The following RASSF9 variants were observed in gnomAD, a reference collection of about 807,000 sequenced individuals.
The protein encoded by RASSF9 is ras association domain-containing protein 9.
A neutral mutation model predicts 21.4 loss-of-function variants in RASSF9; 18 were observed. That is an observed-to-expected ratio of 0.84 (90% CI 0.58 to 1.25). The LOEUF (loss-of-function observed/expected upper bound fraction) is 1.25, where lower values mean the gene tolerates loss of function less well. Ranked by LOEUF, RASSF9 falls within the 50% of genes most tolerant of loss-of-function variation. The probability of loss-of-function intolerance (pLI) is 0.00; values close to 1 mark genes in which losing one functional copy is unlikely to be tolerated. For missense variants in RASSF9, 480 were observed against 503.2 expected, an observed-to-expected ratio of 0.95 and a Z score of 0.44; for synonymous variants, 183 against 179.1, an observed-to-expected ratio of 1.02 and a Z score of -0.18.
intron 1 of RASSF9, among the ~76,000 whole-genome samples, chr12:85,827,150 A>C (rs149462525): frequency 1.1e-4 from 17 of 152,194 alleles, no homozygotes; most frequent in Admixed American, 2.6e-4. Context: ...TTTAACTGGC[A>C]TCTGAAACTT....
At chr12:85,816,226 A>G (rs1213603914) in intron 1 of RASSF9, among the ~76,000 whole-genome samples, 1 of 151,992 alleles carries the variant, frequency 6.6e-6, no homozygotes, top group Non-Finnish European at 1.5e-5. Flanking sequence ...TACTTGGGTG[A>G]AAGGATAATC....
In RASSF9 at chr12:85,804,976, T is replaced by C; in HGVS notation, c.1034A>G (p.Tyr345Cys). The C allele has an allele frequency of 6.2e-7, 1 of 1,613,882 alleles. No individual in the cohort carries two copies. The highest frequency in any genetic ancestry group is 8.5e-7 in the Non-Finnish European group (1 of 1,179,770). The change falls in exon 2 of 2, where the codon TAC (tyrosine) becomes TGC (cysteine). Residue 345 changes from tyrosine to cysteine, a missense_variant. By Grantham distance (194) the Tyr-to-Cys change is radical (BLOSUM62 -2). Transcript: ENST00000361228. ...TTTCATCTGAAGCAATGAGTCACTG[T>C]ATTTAATCTCTTTCTGGATGCCACT... is the stretch of plus-strand genomic sequence containing the variant. The part of the protein sequence containing the change: ...HLSGIQKEIK[Y>C]SDSLLQMKAK...
intron 1 of RASSF9, among the ~76,000 whole-genome samples, chr12:85,812,086 A>G (rs949386180): frequency 6.6e-6 from 1 of 151,746 alleles, no homozygotes; most frequent in Non-Finnish European, 1.5e-5. Context: ...ACAATTTCAT[A>G]ACTACTCCAC....
At chr12:85,820,882 A>G (rs1212847617) in intron 1 of RASSF9, among the ~76,000 whole-genome samples, 1 of 152,202 alleles carries the variant, frequency 6.6e-6, no homozygotes, top group East Asian at 1.9e-4. Flanking sequence ...GCGGTGGCTC[A>G]TGCCTATAAT....
chr12:85,830,179 G>A (rs950643834), intron 1 of RASSF9, among the ~76,000 whole-genome samples: 16 of 152,176 alleles, frequency 1.1e-4, no homozygotes, highest in African/African-American at 3.6e-4. Flanking sequence ...ATGCATACCT[G>A]GCTGTGTTCT....
At chr12:85,816,560 A>G (rs1880070495) in intron 1 of RASSF9, among the ~76,000 whole-genome samples, 1 of 152,142 alleles carries the variant, frequency 6.6e-6, no homozygotes, top group Non-Finnish European at 1.5e-5. Context: ...CAGTAGATGG[A>G]AGCTGATTTT....
At chr12:85,814,974 T>C (rs1202979765) in intron 1 of RASSF9, among the ~76,000 whole-genome samples, 2 of 152,034 alleles carry the variant, frequency 1.3e-5, no homozygotes, top group African/African-American at 2.4e-5. Flanking sequence ...GTCAGCACAA[T>C]AGGTTATTGC....
Position 85,805,834 on chromosome 12 carries a change from T to C in RASSF9, c.176A>G (p.Glu59Gly), listed in dbSNP as rs756226946. 2 of 1,613,980 alleles carry C rather than the reference T, an allele frequency of 1.2e-6. No individual in the cohort carries two copies. The highest frequency in any genetic ancestry group is 1.1e-5 in the South Asian group (1 of 91,086). The change falls in exon 2 of 2, where the codon GAA (glutamate) becomes GGA (glycine). Residue 59 changes from glutamate to glycine, a missense_variant. Physicochemically the swap from Glu to Gly is moderately conservative, Grantham distance 98. Coordinates refer to ENST00000361228, the MANE Select transcript of RASSF9 (RefSeq NM_005447.4). ...SADVIQALLEEHEATFGEKRF... is the reference protein window; with the variant it reads ...SADVIQALLEGHEATFGEKRF... ...TTTCTCTCCAAACGTAGCCTCATGTTCCTCAAGCAAAGCCTGGATGACATC... is the reference window on the plus strand; with the variant it reads ...TTTCTCTCCAAACGTAGCCTCATGTCCCTCAAGCAAAGCCTGGATGACATC...
chr12:85,831,827 C>A (rs893024027), intron 1 of RASSF9, among the ~76,000 whole-genome samples: 1 of 151,862 alleles, frequency 6.6e-6, no homozygotes, highest in Non-Finnish European at 1.5e-5. Flanking sequence ...TTCTTTCTTC[C>A]GATGAAGCAA....
chr12:85,805,503 A>G lies in RASSF9; in HGVS notation c.507T>C (p.Ala169=), dbSNP rs1055477892. ...RIVRKTFRKL[A]KIKQDTVSHD... is the part of the protein sequence containing the mutation. Reference sequence around the variant, plus strand: ...GAGAAACTGTGTCCTGCTTAATTTTAGCCAGTTTCCGGAAAGTTTTCCTGA... The same window carrying G: ...GAGAAACTGTGTCCTGCTTAATTTTGGCCAGTTTCCGGAAAGTTTTCCTGA... The change falls in exon 2 of 2, where the codon GCT becomes GCC. Residue 169 remains alanine (A), a synonymous_variant. Transcript: ENST00000361228. 2 of 1,613,842 alleles carry G rather than the reference A, an allele frequency of 1.2e-6. No individual in the cohort carries two copies. The highest frequency in any genetic ancestry group is 2.7e-5 in the African/African-American group (2 of 74,928).
intron 1 of RASSF9, among the ~76,000 whole-genome samples, chr12:85,830,184 T>C (rs957462136): frequency 6.6e-6 from 1 of 152,124 alleles, no homozygotes; most frequent in Non-Finnish European, 1.5e-5. Context: ...TACCTGGCTG[T>C]GTTCTAGGGG....
chr12:85,832,636 A>G (rs1880475311), intron 1 of RASSF9, among the ~76,000 whole-genome samples: 1 of 151,904 alleles, frequency 6.6e-6, no homozygotes, highest in African/African-American at 2.4e-5. Flanking sequence ...TTTAGCTTTT[A>G]TGTGAGGAAC....
intron 1 of RASSF9, among the ~76,000 whole-genome samples, chr12:85,832,075 T>C (rs375669797): frequency 1.0e-3 from 156 of 152,056 alleles, no homozygotes; most frequent in Non-Finnish European, 2.0e-3. Flanking sequence ...TGGATATTCA[T>C]ATATCAGTAC....
chr12:85,823,683 T>C (rs1442137746), intron 1 of RASSF9, among the ~76,000 whole-genome samples: 2 of 152,176 alleles, frequency 1.3e-5, no homozygotes, highest in African/African-American at 4.8e-5. Flanking sequence ...TTAATTCTTT[T>C]TGGAATGCAG....
chr12:85,826,694 C>G (rs534322279), intron 1 of RASSF9, among the ~76,000 whole-genome samples: 1 of 151,256 alleles, frequency 6.6e-6, no homozygotes, highest in East Asian at 1.9e-4. Flanking sequence ...CTGCCTGCCT[C>G]GGCCTCCCAA....
intron 1 of RASSF9, among the ~76,000 whole-genome samples, chr12:85,829,251 A>G (rs139603962): frequency 7.0e-4 from 106 of 152,246 alleles, no homozygotes; most frequent in African/African-American, 2.4e-3. Context: ...GCCATAATTA[A>G]TGAGCCTGAA....
rs1879740150 is a variant in RASSF9, at chr12:85,803,223, T to A, written c.*1479A>T. On this transcript the variant is annotated 3_prime_UTR_variant, in exon 2 of 2. Transcript: ENST00000361228. ...AAAGTAAAACAATAAGAAAACTGAGTTAAAACCTGCACTAAAAGTATGCAA... is the reference window on the plus strand; with the variant it reads ...AAAGTAAAACAATAAGAAAACTGAGATAAAACCTGCACTAAAAGTATGCAA... 1 of 151,804 alleles carries A rather than the reference T, an allele frequency of 6.6e-6. No homozygotes were observed. The highest frequency in any genetic ancestry group is 1.5e-5 in the Non-Finnish European group (1 of 67,898). The allele number at this position is 151,804 out of a possible 1,614,324, so 9.4% of individuals were successfully genotyped here. A position where few individuals can be genotyped will look rare whatever the true frequency, so the allele number is the denominator to read the frequency against.
chr12:85,819,268 T>C (rs1880156299), intron 1 of RASSF9, among the ~76,000 whole-genome samples: 1 of 151,968 alleles, frequency 6.6e-6, no homozygotes, highest in African/African-American at 2.4e-5. Flanking sequence ...GCTGGTCCCA[T>C]ACTTAAGTGA....
intron 1 of RASSF9, among the ~76,000 whole-genome samples, chr12:85,817,221 G>A (rs920770925): frequency 6.6e-6 from 1 of 152,028 alleles, no homozygotes; most frequent in African/African-American, 2.4e-5. Flanking sequence ...TACCAATTAT[G>A]AAGTTTAAAG....
Sources: gnomAD v4.1 joint callset for allele counts (sites outside exome capture counted in the v4.1 genomes callset) on GRCh38, gnomAD v4.1.1 for gene constraint, MANE v1.5 for transcripts, NCBI Gene and HGNC (gene_info 2026-07-23, HGNC 2026-07-21) for gene names.